The following SH2D4B variants were observed in gnomAD, a reference collection of about 807,000 sequenced individuals.
SH2D4B encodes the protein SH2 domain containing 4B.
In SH2D4B, 45 loss-of-function variants were observed where a neutral mutation model predicts 61.5. That is an observed-to-expected ratio of 0.73 (90% CI 0.58 to 0.94). SH2D4B has a LOEUF of 0.94. Ranked by LOEUF, SH2D4B falls within the 40% of genes least tolerant of loss-of-function variation. The probability of loss-of-function intolerance (pLI) is 0.00; values close to 1 mark genes in which losing one functional copy is unlikely to be tolerated. For missense variants in SH2D4B, 572 were observed against 574.2 expected (o/e 1.00, Z 0.04); for synonymous variants, 224 against 220.4 (o/e 1.02, Z -0.14).
At position 80,545,228 on chromosome 10, in the gene SH2D4B, C is replaced by T. The variant is rs116918206; in HGVS notation, c.184+6713C>T. ...TTTTTCTCACTTCAAAAACAAACCC[C>T]GTAGCCATGAATGGTCACTCCCTAG... is the stretch of plus-strand genomic sequence containing the variant. On this transcript the variant is annotated intron_variant, in intron 1 of 7. Transcript: ENST00000646907. Among the ~76,000 whole-genome samples the T allele has an allele frequency of 8.6e-3, 1,307 of 152,272 alleles. 6 individuals are homozygous for T. The highest frequency in any genetic ancestry group is 0.012 in the Non-Finnish European group (846 of 68,016).
intron 1 of SH2D4B, among the ~76,000 whole-genome samples, chr10:80,550,076 G>C (rs559598412): frequency 6.6e-6 from 1 of 152,040 alleles, no homozygotes; most frequent in Non-Finnish European, 1.5e-5. Context: ...GGTGGGGAGC[G>C]GGGGGTGGGG....
chr10:80,620,765 T>C (rs1842709775), intron 6 of SH2D4B, among the ~76,000 whole-genome samples: 1 of 152,212 alleles, frequency 6.6e-6, no homozygotes, highest in Non-Finnish European at 1.5e-5. Flanking sequence ...GCCACAAGGA[T>C]TGAATGAGCT....
chr10:80,623,223 A>G (rs999301853), intron 6 of SH2D4B, among the ~76,000 whole-genome samples: 1 of 152,246 alleles, frequency 6.6e-6, no homozygotes, highest in Non-Finnish European at 1.5e-5. Context: ...CCGAAACTGG[A>G]TAATTGATAA....
chr10:80,609,714 C>G (rs1842572763), intron 6 of SH2D4B, among the ~76,000 whole-genome samples, 163 bp downstream of exon 6: 1 of 152,174 alleles, frequency 6.6e-6, no homozygotes, highest in Admixed American at 6.5e-5. Context: ...GGCTGCAGGC[C>G]CCAGGGATGC....
At chr10:80,628,899 G>A (rs778356887) in intron 6 of SH2D4B, among the ~76,000 whole-genome samples, 4 of 151,716 alleles carry the variant, frequency 2.6e-5, no homozygotes, top group East Asian at 3.9e-4. Context: ...GCATAGTGGC[G>A]CATGCCTGTA....
chr10:80,609,409 T>G lies in SH2D4B; in HGVS notation c.861-15T>G. 1.3e-6 allele frequency: 2 copies of G among 1,568,980 alleles called. No homozygotes were observed. Among genetic ancestry groups the G allele is most frequent in the Non-Finnish European group, 1.7e-6 (2 of 1,150,106 alleles). ...TCCCTGACTCTTCTGCCCTCCCCACTTTCTTTCTCTTCAGCAGGACCTGGG... is the reference window on the plus strand; with the variant it reads ...TCCCTGACTCTTCTGCCCTCCCCACGTTCTTTCTCTTCAGCAGGACCTGGG... On this transcript the variant is annotated splice_polypyrimidine_tract_variant and intron_variant, in intron 5 of 7. Transcript: ENST00000646907.
intron 4 of SH2D4B, among the ~76,000 whole-genome samples, chr10:80,601,295 C>T (rs12360015): frequency 2.6e-5 from 4 of 152,110 alleles, no homozygotes; most frequent in South Asian, 2.1e-4. Context: ...CAGCAGAATG[C>T]GAGGCTGCTG....
intron 7 of SH2D4B, among the ~76,000 whole-genome samples, chr10:80,641,344 C>T (rs551230856): frequency 1.3e-5 from 2 of 152,350 alleles, no homozygotes; most frequent in South Asian, 2.1e-4. Context: ...CAGACAGGGA[C>T]GTTTAAGTGC....
intron 6 of SH2D4B, among the ~76,000 whole-genome samples, chr10:80,619,627 C>T (rs1842695958): frequency 6.6e-6 from 1 of 152,246 alleles, no homozygotes; most frequent in Admixed American, 6.5e-5. Flanking sequence ...GCTGCAGCAG[C>T]CACTGTGGTC....
intron 3 of SH2D4B, among the ~76,000 whole-genome samples, chr10:80,573,599 C>T (rs1391438153): frequency 6.6e-6 from 1 of 152,160 alleles, no homozygotes; most frequent in African/African-American, 2.4e-5. Flanking sequence ...CTTTTCCCTT[C>T]TCATTTGACT....
rs143994108 is a variant in SH2D4B at position 80,626,125 on chromosome 10, C to T, written c.989-8160C>T. Among the ~76,000 whole-genome samples, 178 of 152,036 alleles carry T rather than the reference C, an allele frequency of 1.2e-3. 1 individual carries two copies. The highest frequency in any genetic ancestry group is 4.0e-3 in the African/African-American group (167 of 41,508). ...CAGTATCTGTGCTCATCATTTGTTCCGGTATCTCTGATTTTCTATCCAGGA... is the reference window on the plus strand; with the variant it reads ...CAGTATCTGTGCTCATCATTTGTTCTGGTATCTCTGATTTTCTATCCAGGA... On this transcript the variant is annotated intron_variant, in intron 6 of 7. Transcript: ENST00000646907.
Position 80,634,471 on chromosome 10 carries a change from A to G in SH2D4B, c.1175A>G (p.His392Arg), listed in dbSNP as rs762852243. Residue 392 changes from histidine (H) to arginine (R), a missense_variant, in exon 7 of 8, where the codon CAT becomes CGT. Coordinates refer to ENST00000646907, the MANE Select transcript of SH2D4B (RefSeq NM_001388272.1). ...YSFLGVDPNR[H>R]ATLTDLVDFH... The stretch of plus-strand genomic sequence containing the variant: ...TTCCTGGGAGTGGACCCCAATCGCC[A>G]TGCAACGCTCACGGATCTCGTTGAT... The G allele has an allele frequency of 1.9e-6, 3 of 1,550,340 alleles. No homozygotes were observed. The highest frequency in any genetic ancestry group is 2.6e-6 in the Non-Finnish European group (3 of 1,146,974).
At chr10:80,592,809 G>T (rs549666808) in intron 4 of SH2D4B, among the ~76,000 whole-genome samples, 1 of 150,942 alleles carries the variant, frequency 6.6e-6, no homozygotes, top group East Asian at 2.0e-4. Flanking sequence ...TGCCCTATGG[G>T]CTCAAATGTC....
intron 3 of SH2D4B, among the ~76,000 whole-genome samples, chr10:80,586,760 T>G (rs1842256074): frequency 6.6e-6 from 1 of 152,200 alleles, no homozygotes; most frequent in Non-Finnish European, 1.5e-5. Context: ...CTTTGTTTTT[T>G]CACTCTTTAC....
At chr10:80,581,666 T>G (rs529180436) in intron 3 of SH2D4B, among the ~76,000 whole-genome samples, 2 of 152,338 alleles carry the variant, frequency 1.3e-5, no homozygotes, top group East Asian at 3.9e-4. Context: ...GACTTTGGAT[T>G]GCAGCCTCCA....
chr10:80,543,206 A>G (rs946314544), intron 1 of SH2D4B, among the ~76,000 whole-genome samples: 3 of 151,734 alleles, frequency 2.0e-5, no homozygotes, highest in African/African-American at 7.3e-5. Flanking sequence ...GCACTGTGGG[A>G]GCCCCTTTCT....
chr10:80,553,454 G>GTC (rs1841788186), intron 1 of SH2D4B, among the ~76,000 whole-genome samples: 1 of 152,230 alleles, frequency 6.6e-6, no homozygotes, highest in Admixed American at 6.5e-5. Flanking sequence ...ATTCTGCTGT[G>GTC]TCTCTGTATT....
At chr10:80,569,513 G>A (rs1348342453) in intron 1 of SH2D4B, among the ~76,000 whole-genome samples, 1 of 141,910 alleles carries the variant, frequency 7.0e-6, no homozygotes, top group Non-Finnish European at 1.5e-5. Flanking sequence ...TATGAATTTT[G>A]GGTTTCTTTT....
intron 5 of SH2D4B, among the ~76,000 whole-genome samples, chr10:80,606,600 G>T (rs891114240): frequency 1.3e-5 from 2 of 152,228 alleles, no homozygotes; most frequent in Non-Finnish European, 2.9e-5. Context: ...CGCCCACCTC[G>T]GCCTCCCAAA....
Sources: gnomAD v4.1 joint callset for allele counts (sites outside exome capture counted in the v4.1 genomes callset) on GRCh38, gnomAD v4.1.1 for gene constraint, MANE v1.5 for transcripts, NCBI Gene and HGNC (gene_info 2026-07-23, HGNC 2026-07-21) for gene names.